Variants in CREB3L2 observed in about 807,000 individuals in gnomAD.
The protein encoded by CREB3L2 is cyclic AMP-responsive element-binding protein 3-like protein 2.
CREB3L2 carries 23 observed loss-of-function variants against 57.2 expected under a neutral mutation model. The observed-to-expected ratio is 0.40, with a 90% CI of 0.29 to 0.57. The LOEUF (loss-of-function observed/expected upper bound fraction) is 0.57, where lower values mean the gene tolerates loss of function less well. Among genes scored for constraint, CREB3L2 ranks in the 20% least tolerant of loss-of-function variants. The probability of loss-of-function intolerance (pLI) is 0.42; values close to 1 mark genes in which losing one functional copy is unlikely to be tolerated. For synonymous variants in CREB3L2, 268 were observed against 265.1 expected (o/e 1.01, Z -0.11); for missense variants, 628 against 634.7 (o/e 0.99, Z 0.11).
At chr7:137,947,935 C>G (rs1393982695) in intron 1 of CREB3L2, among the ~76,000 whole-genome samples, 1 of 152,176 alleles carries the variant, frequency 6.6e-6, no homozygotes, top group East Asian at 1.9e-4. Flanking sequence ...TCCGGCCCGA[C>G]CTTCATTTGA....
rs572032865 is a variant in CREB3L2, at chr7:137,889,970, G to A, written c.1044-4468C>T. Among the ~76,000 whole-genome samples the A allele has an allele frequency of 2.0e-5, 3 of 152,134 alleles. No homozygotes were observed. In the South Asian group the frequency reaches 6.2e-4, roughly 32 times the overall value. On this transcript the variant is annotated intron_variant, in intron 8 of 11. Coordinates refer to ENST00000330387, the MANE Select transcript of CREB3L2 (RefSeq NM_194071.4). ...CCATAGCTTGTGTACATTCCAACATGGTACAGCATGGTACCCTAATCAATA... is the reference window on the plus strand; with the variant it reads ...CCATAGCTTGTGTACATTCCAACATAGTACAGCATGGTACCCTAATCAATA...
Position 138,001,630 on chromosome 7 carries a change from C to T in CREB3L2, c.76G>A (p.Asp26Asn), listed in dbSNP as rs1041705300. The T allele has an allele frequency of 6.2e-7, 1 of 1,613,062 alleles. No homozygotes were observed. Among genetic ancestry groups the T allele is most frequent in the Admixed American group, 1.7e-5 (1 of 59,938 alleles). The change falls in exon 1 of 12, where the codon GAC becomes AAC. Residue 26 changes from aspartate (D) to asparagine (N), a missense_variant. By Grantham distance (23) the Asp-to-Asn change is conservative. Around this residue, in one of 3 missense-constraint regions of CREB3L2, gnomAD observed 339 missense variants for 355.4 expected, o/e 0.95. Transcript: ENST00000330387. The surrounding 1 kb of genome is among the most constrained non-coding windows in gnomAD (Gnocchi z 4.2). ...RKLSELSEPG[D>N]GEALMYHTHF... is the part of the protein sequence containing the mutation. ...GTGTGGTACATGAGGGCCTCGCCGT[C>T]CCCGGGCTCTGACAGCTCGCTCAGC...
At chr7:137,896,919 T>A (rs1799638612) in intron 8 of CREB3L2, among the ~76,000 whole-genome samples, 1 of 152,098 alleles carries the variant, frequency 6.6e-6, no homozygotes. Flanking sequence ...TAAGTCAAAC[T>A]CACAGAAACA....
intron 1 of CREB3L2, among the ~76,000 whole-genome samples, chr7:137,994,312 T>G (rs1801948618): frequency 6.6e-6 from 1 of 152,234 alleles, no homozygotes; most frequent in Non-Finnish European, 1.5e-5. Context: ...TCATCAATAT[T>G]TGAACAGCCA....
At chr7:137,907,686 G>A (rs1000637075) in intron 5 of CREB3L2, among the ~76,000 whole-genome samples, 5 of 152,220 alleles carry the variant, frequency 3.3e-5, no homozygotes, top group African/African-American at 7.2e-5. Flanking sequence ...AGGAGTTAAC[G>A]ATCTATTCTT....
At chr7:137,890,073 A>G (rs1230417667) in intron 8 of CREB3L2, among the ~76,000 whole-genome samples, 1 of 152,216 alleles carries the variant, frequency 6.6e-6, no homozygotes, top group Non-Finnish European at 1.5e-5. Context: ...TATTATGTTG[A>G]CACCAGCCCA....
intron 4 of CREB3L2, chr7:137,912,697 A>T (rs1030585484): frequency 1.4e-6 from 1 of 698,914 alleles, no homozygotes; most frequent in Non-Finnish European, 2.3e-6. Context: ...CTTGTTCGAT[A>T]GTGTTTGTAG....
intron 1 of CREB3L2, among the ~76,000 whole-genome samples, chr7:137,930,154 C>A (rs1320768343): frequency 6.6e-6 from 1 of 152,058 alleles, no homozygotes; most frequent in Non-Finnish European, 1.5e-5. Context: ...GTCTTGGCCT[C>A]CCAAAGTGCT....
At chr7:137,988,958 A>G (rs1167831097) in intron 1 of CREB3L2, among the ~76,000 whole-genome samples, 2 of 151,698 alleles carry the variant, frequency 1.3e-5, no homozygotes, top group Admixed American at 1.3e-4. Context: ...AAGGAAGGAA[A>G]AAAAGGAAGG....
intron 3 of CREB3L2, 95 bp from the exon 4 acceptor site, chr7:137,913,173 G>T: frequency 7.9e-7 from 1 of 1,258,188 alleles, no homozygotes; most frequent in African/African-American, 1.5e-5. Flanking sequence ...CTTCCTCTCG[G>T]GACAGCCCTG....
At chr7:137,943,666 T>C (rs565920346) in intron 1 of CREB3L2, among the ~76,000 whole-genome samples, 107 of 152,292 alleles carry the variant, frequency 7.0e-4, no homozygotes, top group Non-Finnish European at 5.3e-4. Flanking sequence ...AGTTTCATGT[T>C]TTCTGCCCTA....
chr7:137,926,771 C>G (rs76538560), intron 2 of CREB3L2, among the ~76,000 whole-genome samples: 3,640 of 152,142 alleles, frequency 0.024, 148 homozygotes, highest in African/African-American at 0.081. Context: ...AAGGCATATG[C>G]TGGACTGGGA....
chr7:137,910,901 TGC>T (rs1799991575), intron 4 of CREB3L2, among the ~76,000 whole-genome samples: 5 of 152,234 alleles, frequency 3.3e-5, no homozygotes, highest in Admixed American at 3.3e-4. Context: ...CAAGCTACTG[TGC>T]CTAGAAACTG....
At chr7:137,899,182 A>G (rs1799700467) in intron 8 of CREB3L2, among the ~76,000 whole-genome samples, 1 of 151,224 alleles carries the variant, frequency 6.6e-6, no homozygotes, top group African/African-American at 2.4e-5. Context: ...CACGCAGCAC[A>G]GTCCACCTGC....
At chr7:137,921,577 C>T (rs1800277251) in intron 2 of CREB3L2, among the ~76,000 whole-genome samples, 1 of 151,970 alleles carries the variant, frequency 6.6e-6, no homozygotes, top group Admixed American at 6.5e-5. Flanking sequence ...CCATAGGTGC[C>T]ACGTAGCTAA....
At chr7:137,981,564 A>T (rs2117315286) in intron 1 of CREB3L2, among the ~76,000 whole-genome samples, 1 of 152,334 alleles carries the variant, frequency 6.6e-6, no homozygotes, top group Non-Finnish European at 1.5e-5. Flanking sequence ...CTAGGAAAAA[A>T]GTCACAGACC....
chr7:137,985,318 T>A (rs2117320042), intron 1 of CREB3L2, among the ~76,000 whole-genome samples: 1 of 152,266 alleles, frequency 6.6e-6, no homozygotes, highest in Admixed American at 6.5e-5. Context: ...AATATGTACA[T>A]CAACTGCTTG....
intron 1 of CREB3L2, 147 bp from the exon 2 acceptor site, chr7:137,928,513 A>C: frequency 1.6e-6 from 1 of 606,816 alleles, no homozygotes; most frequent in Non-Finnish European, 2.9e-6. Flanking sequence ...TGTGTAGCAA[A>C]CCACCCCAAT....
intron 2 of CREB3L2, among the ~76,000 whole-genome samples, chr7:137,926,913 C>T (rs1800478226): frequency 6.6e-6 from 1 of 152,194 alleles, no homozygotes; most frequent in Non-Finnish European, 1.5e-5. Flanking sequence ...CTTGGGGACG[C>T]TGTGGAGGAA....
Sources: gnomAD v4.1 joint callset for allele counts (sites outside exome capture counted in the v4.1 genomes callset) on GRCh38, gnomAD v4.1.1 for gene constraint, gnomAD v4.1.1 regional missense constraint, Gnocchi (gnomAD v3.1) non-coding constraint, MANE v1.5 for transcripts, NCBI Gene and HGNC (gene_info 2026-07-23, HGNC 2026-07-21) for gene names.